MYO9B: variants seen among roughly 807,000 people sequenced by gnomAD.
The protein encoded by MYO9B is unconventional myosin-IXb.
In MYO9B, 71 loss-of-function variants were observed where a neutral mutation model predicts 229.5. The ratio of observed to expected loss-of-function variants is 0.31; its 90% CI spans 0.26 to 0.38. The LOEUF is 0.38. Among genes scored for constraint, MYO9B ranks in the 10% least tolerant of loss-of-function variants. MYO9B has a pLI of 1.00. For missense variants in MYO9B, 2,255 were observed against 2,920.5 expected (o/e 0.77, Z 5.25); for synonymous variants, 1,185 against 1,235.8 (o/e 0.96, Z 0.86).
chr19:17,209,668 A>T lies in MYO9B; in HGVS notation c.5707A>T (p.Ser1903Cys). The T allele has an allele frequency of 6.2e-7, 1 of 1,613,176 alleles. No homozygotes were observed. Among genetic ancestry groups the T allele is most frequent in the Non-Finnish European group, 8.5e-7 (1 of 1,179,552 alleles). The change falls in exon 36 of 40, where the codon AGT becomes TGT. Residue 1903 changes from serine to cysteine, a missense_variant. Ser to Cys is a moderately radical substitution (Grantham distance 112). Around this residue, in one of 7 missense-constraint regions of MYO9B, gnomAD observed 416 missense variants for 605.5 expected, o/e 0.69. Transcript: ENST00000682292. ...EEISQLEAAE[S>C]IAFRRLSLLR... ...GATCAGCCAACTGGAGGCTGCAGAG[A>T]GTATCGCCTTCCGCAGGCTTTCGCT...
At chr19:17,105,932 A>G (rs147962498) in intron 2 of MYO9B, among the ~76,000 whole-genome samples, 262 of 152,068 alleles carry the variant, frequency 1.7e-3, no homozygotes, top group African/African-American at 5.8e-3. Context: ...GAGCAATTTC[A>G]CCATAGAATG....
chr19:17,197,447 G>GATAC (rs1172827843), intron 22 of MYO9B, among the ~76,000 whole-genome samples: 2 of 144,536 alleles, frequency 1.4e-5, no homozygotes, highest in African/African-American at 2.5e-5. Flanking sequence ...TAGATAGATA[G>GATAC]ATACATAGAT....
chr19:17,160,508 T>C (rs575257390), intron 8 of MYO9B, among the ~76,000 whole-genome samples: 5 of 123,174 alleles, frequency 4.1e-5, no homozygotes, highest in Admixed American at 8.1e-5. Context: ...CTTCTTTTTT[T>C]TCTTTTTTTT....
intron 30 of MYO9B, among the ~76,000 whole-genome samples, chr19:17,203,624 A>G (rs1321973897): frequency 6.6e-6 from 1 of 151,598 alleles, no homozygotes; most frequent in Non-Finnish European, 1.5e-5. Flanking sequence ...AAAAAAAAAA[A>G]AAAAAGGTCT....
chr19:17,123,900 T>C (rs1019687977), intron 2 of MYO9B, among the ~76,000 whole-genome samples: 1 of 152,068 alleles, frequency 6.6e-6, no homozygotes, highest in African/African-American at 2.4e-5. Context: ...CATTTTTCTT[T>C]TTTGAGACAG....
At position 17,193,347 on chromosome 19, in the gene MYO9B, G is replaced by A. The variant is rs2073006866; in HGVS notation, c.3128+285G>A. Among the ~76,000 whole-genome samples the A allele has an allele frequency of 6.6e-6, 1 of 152,192 alleles. No homozygotes were observed. Among genetic ancestry groups the A allele is most frequent in the African/African-American group, 2.4e-5 (1 of 41,444 alleles). ...TACCTGGATCGGTCAGGGAACACCT[G>A]GATTCAGGGTTGGAGGGGCTGCCTG... On this transcript the variant is annotated intron_variant, in intron 21 of 39. Transcript: ENST00000682292. This position sits in a 1 kb window ranked among gnomAD's most constrained non-coding sequence, Gnocchi z 4.3.
intron 8 of MYO9B, among the ~76,000 whole-genome samples, chr19:17,161,204 C>T (rs758344774): frequency 3.3e-5 from 5 of 152,056 alleles, no homozygotes; most frequent in South Asian, 2.1e-4. Context: ...CACAGTCGCA[C>T]GCCCCACCCC....
chr19:17,192,224 C>T (rs906434782), intron 20 of MYO9B, among the ~76,000 whole-genome samples: 12 of 144,410 alleles, frequency 8.3e-5, no homozygotes, highest in Non-Finnish European at 1.5e-4. Context: ...AACCGGGAGG[C>T]GGAGGTTGCA....
intron 1 of MYO9B, among the ~76,000 whole-genome samples, chr19:17,087,392 C>T (rs2057593376): frequency 6.6e-6 from 1 of 152,228 alleles, no homozygotes; most frequent in Non-Finnish European, 1.5e-5. Context: ...TTCAGAAGAA[C>T]ACATTCAACT....
intron 35 of MYO9B, chr19:17,207,471 T>G (rs1014706903): frequency 3.0e-6 from 1 of 334,266 alleles, no homozygotes; most frequent in Non-Finnish European, 5.3e-6. Flanking sequence ...TACAAAAAAT[T>G]TGAAATTGGA....
chr19:17,206,519 C>T (rs1223436053), intron 33 of MYO9B, 143 bp downstream of exon 33: 1 of 1,382,512 alleles, frequency 7.2e-7, no homozygotes. Context: ...CAAACCGGGT[C>T]CCCAGTTTGG....
At chr19:17,163,416 A>T in intron 10 of MYO9B, among the ~76,000 whole-genome samples, 1 of 122,398 alleles carries the variant, frequency 8.2e-6, no homozygotes, top group African/African-American at 3.3e-5. Context: ...TTGCTCTGTC[A>T]CCCAGCTAGA....
chr19:17,126,037 C>T (rs1038489372), intron 2 of MYO9B, among the ~76,000 whole-genome samples: 1 of 152,186 alleles, frequency 6.6e-6, no homozygotes, highest in African/African-American at 2.4e-5. Context: ...TGACACCCAC[C>T]CCCTTCGCAG....
intron 1 of MYO9B, among the ~76,000 whole-genome samples, chr19:17,090,119 T>C (rs12979873): frequency 0.1 from 936 of 9,008 alleles, 4 homozygotes; most frequent in Admixed American, 0.15. Flanking sequence ...GCTTCCTTCC[T>C]TTTTTTTTTT....
At chr19:17,106,371 AAAGTC>A (rs1185991956) in intron 2 of MYO9B, among the ~76,000 whole-genome samples, 3 of 152,214 alleles carry the variant, frequency 2.0e-5, no homozygotes, top group Non-Finnish European at 4.4e-5. Context: ...TGTGGTGGCC[AAAGTC>A]AACACAAAAT....
chr19:17,195,333 C>A lies in MYO9B; in HGVS notation c.3906C>A (p.Asp1302Glu). 6.2e-7 allele frequency: 1 copy of A among 1,612,492 alleles called. No individual in the cohort carries two copies. Among genetic ancestry groups the A allele is most frequent in the Non-Finnish European group, 8.5e-7 (1 of 1,179,732 alleles). Reference protein sequence around the residue: ...GGSTQIQRYLDAERLASAVEL... With the variant: ...GGSTQIQRYLEAERLASAVEL... ...CCACGCAGATCCAGCGGTACCTGGA[C>A]GCCGAGCGGCTGGCCAGCGCCGTGG... is the stretch of plus-strand genomic sequence containing the variant. Residue 1302 changes from aspartate to glutamate, a missense_variant, in exon 22 of 40, where the codon GAC (aspartate) becomes GAA (glutamate). Coordinates refer to ENST00000682292, the MANE Select transcript of MYO9B (RefSeq NM_004145.4). The surrounding 1 kb of genome is among the most constrained non-coding windows in gnomAD (Gnocchi z 4.5).
Position 17,200,309 on chromosome 19 carries a change from C to A in MYO9B, c.4255C>A (p.Leu1419Ile). ...CTCCTGCAGATCCACGTTTAAGAGG[C>A]TTTTTCTGCATAAAACCAAGGATAA... ...QVDSKSTFKR[L>I]FLHKTKDKKY... The change falls in exon 25 of 40, where the codon CTT (leucine) becomes ATT (isoleucine). Residue 1419 changes from leucine (L) to isoleucine (I), a missense_variant. By Grantham distance (5) the Leu-to-Ile change is conservative. Coordinates refer to ENST00000682292, the MANE Select transcript of MYO9B (RefSeq NM_004145.4). 1 of 1,611,332 alleles carries A rather than the reference C, an allele frequency of 6.2e-7. No homozygotes were observed. Among genetic ancestry groups the A allele is most frequent in the Non-Finnish European group, 8.5e-7 (1 of 1,179,282 alleles).
At chr19:17,179,908 AT>A (rs200581694) in intron 14 of MYO9B, among the ~76,000 whole-genome samples, 1,956 of 149,456 alleles carry the variant, frequency 0.013, 56 homozygotes, top group African/African-American at 0.047. Context: ...CCAAAAAAAA[AT>A]AAAATAAAAA....
chr19:17,197,696 C>A, intron 22 of MYO9B, 96 bp from the exon 23 acceptor site: 1 of 1,421,560 alleles, frequency 7.0e-7, no homozygotes, highest in East Asian at 2.3e-5. Flanking sequence ...CTGGCAGGGG[C>A]AGAACTGCCC....
Sources: gnomAD v4.1 joint callset for allele counts (sites outside exome capture counted in the v4.1 genomes callset) on GRCh38, gnomAD v4.1.1 for gene constraint, gnomAD v4.1.1 regional missense constraint, Gnocchi (gnomAD v3.1) non-coding constraint, MANE v1.5 for transcripts, NCBI Gene and HGNC (gene_info 2026-07-23, HGNC 2026-07-21) for gene names.